SMYD3: variants seen among roughly 807,000 people sequenced by gnomAD.
SMYD3 encodes histone-lysine N-methyltransferase SMYD3.
Under a neutral mutation model 57.7 loss-of-function variants are expected in SMYD3, and 36 were observed. That is an observed-to-expected ratio of 0.62 (90% CI 0.48 to 0.82). The LOEUF (loss-of-function observed/expected upper bound fraction) is 0.82, where lower values mean the gene tolerates loss of function less well. SMYD3 is among the 40% of genes least tolerant of loss of function. The pLI, the probability that SMYD3 is intolerant of heterozygous loss-of-function variation, is 0.00. For synonymous variants in SMYD3, 211 were observed against 195.0 expected (o/e 1.08, Z -0.68); for missense variants, 515 against 538.8 (o/e 0.96, Z 0.44).
chr1:246,100,248 CT>C (rs2060985592), intron 5 of SMYD3, among the ~76,000 whole-genome samples: 1 of 152,188 alleles, frequency 6.6e-6, no homozygotes. Context: ...TTAGTATAAG[CT>C]TTTCATACTC....
intron 1 of SMYD3, among the ~76,000 whole-genome samples, chr1:246,498,686 G>A (rs1380803272): frequency 2.1e-5 from 3 of 141,056 alleles, no homozygotes; most frequent in South Asian, 2.2e-4. Flanking sequence ...AGCCGAGATC[G>A]CACCACTGCA....
chr1:245,780,499 C>G (rs1394074066), intron 10 of SMYD3, among the ~76,000 whole-genome samples: 1 of 152,000 alleles, frequency 6.6e-6, no homozygotes, highest in Non-Finnish European at 1.5e-5. Flanking sequence ...CACAGAGACA[C>G]AAACTAGATT....
chr1:246,307,555 G>A (rs2065004762), intron 5 of SMYD3, among the ~76,000 whole-genome samples: 1 of 151,014 alleles, frequency 6.6e-6, no homozygotes, highest in African/African-American at 2.4e-5. Context: ...GAGTAGCTGG[G>A]ACTACAGGCG....
chr1:246,474,471 A>G (rs2068001947), intron 1 of SMYD3, among the ~76,000 whole-genome samples: 1 of 150,024 alleles, frequency 6.7e-6, no homozygotes, highest in Non-Finnish European at 1.5e-5. Context: ...GTGGGCCAAG[A>G]TTGAGCCACT....
At chr1:246,500,145 G>C (rs773885891) in intron 1 of SMYD3, among the ~76,000 whole-genome samples, 35 of 152,172 alleles carry the variant, frequency 2.3e-4, no homozygotes, top group Non-Finnish European at 3.4e-4. Flanking sequence ...ATTCTTCTTT[G>C]TGATACTGGC....
At chr1:246,243,899 T>C (rs1230510347) in intron 5 of SMYD3, among the ~76,000 whole-genome samples, 4 of 146,202 alleles carry the variant, frequency 2.7e-5, no homozygotes, top group Admixed American at 7.1e-5. Context: ...TCCTTATTTT[T>C]AAAAAATGAA....
At chr1:245,905,440 G>A (rs2054493833) in intron 8 of SMYD3, among the ~76,000 whole-genome samples, 1 of 152,184 alleles carries the variant, frequency 6.6e-6, no homozygotes, top group Admixed American at 6.5e-5. Context: ...CAGTAATCTG[G>A]CAATACTCCA....
chr1:246,270,831 C>G lies in SMYD3; in HGVS notation c.531+56370G>C, dbSNP rs541084246. ...TGCTTTCAATTCTTTTGGGTACATA[C>G]ACATAAATGGAATTGCTGGATCATA... On this transcript the variant is annotated intron_variant, in intron 5 of 11. Transcript: ENST00000490107. 2.0e-5 allele frequency among the ~76,000 whole-genome samples: 3 copies of G among 152,296 alleles called. No individual in the cohort carries two copies. The South Asian group carries it at 6.2e-4, about 32-fold the overall frequency.
At chr1:245,816,816 A>C (rs1014084002) in intron 10 of SMYD3, among the ~76,000 whole-genome samples, 7 of 152,146 alleles carry the variant, frequency 4.6e-5, no homozygotes, top group Admixed American at 4.6e-4. Flanking sequence ...GGTCACTCCC[A>C]CCCGAATATT....
At chr1:245,793,844 C>T (rs1234880633) in intron 10 of SMYD3, among the ~76,000 whole-genome samples, 1 of 152,192 alleles carries the variant, frequency 6.6e-6, no homozygotes, top group African/African-American at 2.4e-5. Context: ...TCCACAAATG[C>T]TTCATCTGCC....
rs73134724 is a variant in SMYD3 at position 245,809,571 on chromosome 1, A to G, written c.1077-45422T>C. On this transcript the variant is annotated intron_variant, in intron 10 of 11. Coordinates refer to ENST00000490107, the MANE Select transcript of SMYD3 (RefSeq NM_001167740.2). ...GCTGGTCATACAGACAAAAACACTC[A>G]GGTGAGAGAGAACAAGGAGTGCAAC... Among the ~76,000 whole-genome samples the G allele has an allele frequency of 9.0e-3, 1,370 of 152,362 alleles. 17 individuals carry two copies. Among genetic ancestry groups the G allele is most frequent in the African/African-American group, 0.03 (1,253 of 41,580 alleles).
In SMYD3 at chr1:246,231,118, T is replaced by C. The variant is rs144522476; in HGVS notation, c.531+96083A>G. Among the ~76,000 whole-genome samples the C allele has an allele frequency of 9.3e-4, 142 of 152,352 alleles. 1 individual carries two copies. Among genetic ancestry groups the C allele is most frequent in the Non-Finnish European group, 1.7e-3 (113 of 68,036 alleles). The stretch of plus-strand genomic sequence containing the variant: ...GAGTTGTGTGGGTTATTGCTAAGCA[T>C]GGCATTGGACGTGCTCGGATGCTTG... On this transcript the variant is annotated intron_variant, in intron 5 of 11. Coordinates refer to ENST00000490107, the MANE Select transcript of SMYD3 (RefSeq NM_001167740.2).
intron 2 of SMYD3, among the ~76,000 whole-genome samples, chr1:246,352,933 T>C (rs540537904): frequency 2.5e-4 from 38 of 152,208 alleles, no homozygotes; most frequent in Non-Finnish European, 4.4e-4. Context: ...CCTAGACTTG[T>C]GTCAAATAAT....
At chr1:245,956,200 G>C in intron 5 of SMYD3, 1 of 288,404 alleles carries the variant, frequency 3.5e-6, no homozygotes, top group Non-Finnish European at 5.2e-6. Context: ...TTATAGGCGT[G>C]AGCCACAGTA....
At chr1:246,357,700 T>G (rs1049587052) in intron 1 of SMYD3, among the ~76,000 whole-genome samples, 1 of 152,150 alleles carries the variant, frequency 6.6e-6, no homozygotes, top group African/African-American at 2.4e-5. Flanking sequence ...GCCAAGAATT[T>G]TGTATGCAGC....
At chr1:245,978,945 A>T (rs1174477085) in intron 5 of SMYD3, among the ~76,000 whole-genome samples, 1 of 152,184 alleles carries the variant, frequency 6.6e-6, no homozygotes, top group African/African-American at 2.4e-5. Context: ...AGTACAGCCT[A>T]ATCTGAGGTA....
chr1:246,405,826 C>A (rs912725124), intron 1 of SMYD3, among the ~76,000 whole-genome samples: 1 of 149,464 alleles, frequency 6.7e-6, no homozygotes, highest in East Asian at 2.0e-4. Context: ...AGGAGAATGG[C>A]GTGAACCCAG....
intron 1 of SMYD3, among the ~76,000 whole-genome samples, chr1:246,485,896 C>T (rs1344352098): frequency 6.6e-6 from 1 of 152,194 alleles, no homozygotes; most frequent in Non-Finnish European, 1.5e-5. Context: ...CTTTTCTTAT[C>T]TGTAAAACAG....
At chr1:246,308,369 C>T (rs1247297539) in intron 5 of SMYD3, among the ~76,000 whole-genome samples, 2 of 151,910 alleles carry the variant, frequency 1.3e-5, no homozygotes, top group Non-Finnish European at 2.9e-5. Context: ...TTGTTTTGGC[C>T]CTATTTGTCC....
Sources: gnomAD v4.1 joint callset for allele counts (sites outside exome capture counted in the v4.1 genomes callset) on GRCh38, gnomAD v4.1.1 for gene constraint, MANE v1.5 for transcripts, NCBI Gene and HGNC (gene_info 2026-07-23, HGNC 2026-07-21) for gene names.